The following HHIPL1 variants were observed in gnomAD, a reference collection of about 807,000 sequenced individuals.
HHIPL1 encodes the protein HHIP-like protein 1.
In HHIPL1, 43 loss-of-function variants were observed where a neutral mutation model predicts 61.8. The ratio of observed to expected loss-of-function variants is 0.70; its 90% CI spans 0.55 to 0.90. The LOEUF (loss-of-function observed/expected upper bound fraction) is 0.90, where lower values mean the gene tolerates loss of function less well. HHIPL1 is among the 40% of genes least tolerant of loss of function. HHIPL1 has a pLI of 0.00. For missense variants in HHIPL1, 1,056 were observed against 1,157.7 expected (o/e 0.91, Z 1.28); for synonymous variants, 482 against 515.8 (o/e 0.93, Z 0.89).
At chr14:99,634,419 C>T in the HHIPL1 span, among the ~76,000 whole-genome samples, 1 of 152,160 alleles carries the variant, frequency 6.6e-6, no homozygotes, top group African/African-American at 2.4e-5. Flanking sequence ...AAGTCTTACT[C>T]GAGCAAATAA....
chr14:99,651,937 G>A (rs1025102659), intron 1 of HHIPL1, among the ~76,000 whole-genome samples: 9 of 152,158 alleles, frequency 5.9e-5, no homozygotes, highest in African/African-American at 2.2e-4. Flanking sequence ...GAGGGTGGGT[G>A]ACAGTGCCTC....
intron 8 of HHIPL1, among the ~76,000 whole-genome samples, chr14:99,673,718 G>A (rs2140096366): frequency 2.7e-5 from 1 of 36,468 alleles, no homozygotes; most frequent in Non-Finnish European, 5.8e-5. Flanking sequence ...ACCTGGAGGG[G>A]TTGCACTGAG....
At chr14:99,611,757 A>G in the HHIPL1 span, among the ~76,000 whole-genome samples, 1 of 148,608 alleles carries the variant, frequency 6.7e-6, no homozygotes, top group African/African-American at 2.5e-5. Flanking sequence ...TTTTTTTCCT[A>G]TAAGCAATGC....
At chr14:99,615,461 TAG>T in the HHIPL1 span, among the ~76,000 whole-genome samples, 1 of 152,054 alleles carries the variant, frequency 6.6e-6, no homozygotes. Context: ...AGAGGGTTAC[TAG>T]AGCCCGGGAG....
At chr14:99,631,048 T>TTTTCTCTCTTTC in the HHIPL1 span, among the ~76,000 whole-genome samples, 1 of 120,430 alleles carries the variant, frequency 8.3e-6, no homozygotes. Flanking sequence ...AGTGGCTCCA[T>TTTTCTCTCTTTC]TTTCTTTCTT....
the HHIPL1 span, among the ~76,000 whole-genome samples, chr14:99,632,062 AGCATCTG>A: frequency 6.6e-6 from 1 of 152,214 alleles, no homozygotes. Context: ...CAACACCACT[AGCATCTG>A]GCCCATCTAC....
At chr14:99,610,714 T>C in the HHIPL1 span, among the ~76,000 whole-genome samples, 1 of 152,044 alleles carries the variant, frequency 6.6e-6, no homozygotes, top group East Asian at 1.9e-4. Flanking sequence ...TGAGCAGAGA[T>C]CATGCCACTG....
chr14:99,661,761 A>G (rs1308507276), intron 5 of HHIPL1, among the ~76,000 whole-genome samples: 1 of 152,206 alleles, frequency 6.6e-6, no homozygotes, highest in Non-Finnish European at 1.5e-5. Context: ...TACGGTGCCC[A>G]GCCTGGTGTT....
chr14:99,619,332 G>T, the HHIPL1 span, among the ~76,000 whole-genome samples: 1 of 151,584 alleles, frequency 6.6e-6, no homozygotes, highest in Non-Finnish European at 1.5e-5. Context: ...TGTGGTGGCG[G>T]GCACCTGTAA....
At chr14:99,636,041 C>A in the HHIPL1 span, among the ~76,000 whole-genome samples, 10 of 152,112 alleles carry the variant, frequency 6.6e-5, no homozygotes, top group East Asian at 1.7e-3. Flanking sequence ...AGAGTCTCTG[C>A]CTCTGGAGCC....
At chr14:99,651,110 G>A (rs571393557) in intron 1 of HHIPL1, among the ~76,000 whole-genome samples, 3 of 152,124 alleles carry the variant, frequency 2.0e-5, no homozygotes, top group Admixed American at 1.3e-4. Flanking sequence ...TTAGCTAGGC[G>A]TGGTGGCTCT....
At chr14:99,644,310 C>T (rs2055792240), upstream of HHIPL1, among the ~76,000 whole-genome samples, 1 of 152,146 alleles carries the variant, frequency 6.6e-6, no homozygotes, top group Admixed American at 6.6e-5. Flanking sequence ...GAAGCAAACG[C>T]TGAGGTCCAC....
At chr14:99,640,916 T>C (rs1445912511), upstream of HHIPL1, among the ~76,000 whole-genome samples, 4 of 134,294 alleles carry the variant, frequency 3.0e-5, no homozygotes, top group Admixed American at 1.6e-4. Context: ...AGATAGAGTA[T>C]CTCTCTCTCG....
At chr14:99,624,220 G>T in the HHIPL1 span, among the ~76,000 whole-genome samples, 1 of 152,168 alleles carries the variant, frequency 6.6e-6, no homozygotes, top group Admixed American at 6.5e-5. Context: ...CTCTTCCCTG[G>T]CTGTGGCTCC....
the HHIPL1 span, among the ~76,000 whole-genome samples, chr14:99,618,728 G>A: frequency 1.6e-4 from 24 of 152,236 alleles, no homozygotes; most frequent in Admixed American, 1.5e-3. Context: ...TCTCCATGGG[G>A]CCCCTCCCAA....
chr14:99,650,240 C>CA (rs1416460400), intron 1 of HHIPL1, among the ~76,000 whole-genome samples: 1 of 152,206 alleles, frequency 6.6e-6, no homozygotes, highest in East Asian at 1.9e-4. Context: ...AATCCTCCCC[C>CA]AAACGTCCCA....
At chr14:99,620,005 C>T in the HHIPL1 span, among the ~76,000 whole-genome samples, 1 of 152,318 alleles carries the variant, frequency 6.6e-6, no homozygotes, top group Admixed American at 6.5e-5. Flanking sequence ...GGAGGGGCAG[C>T]CAGCAATCCC....
At chr14:99,657,910 CACACACAT>C (rs1210140203) in intron 3 of HHIPL1, among the ~76,000 whole-genome samples, 18 of 151,774 alleles carry the variant, frequency 1.2e-4, no homozygotes, top group African/African-American at 3.6e-4. Flanking sequence ...TCCACATGTA[CACACACAT>C]ACACACATAC....
rs745629640 is a variant in HHIPL1 at position 99,678,813 on chromosome 14, A to G, written c.*3187A>G. On this transcript the variant is annotated 3_prime_UTR_variant, in exon 9 of 9. Transcript: ENST00000330710. ...CAGTTACATAGAATAGGGCTTGACAAAGAGTTATTAGCATAAAGCAAGGAG... is the reference window on the plus strand; with the variant it reads ...CAGTTACATAGAATAGGGCTTGACAGAGAGTTATTAGCATAAAGCAAGGAG... 6.6e-6 allele frequency: 1 copy of G among 152,266 alleles called. No individual in the cohort carries two copies. Among genetic ancestry groups the G allele is most frequent in the Non-Finnish European group, 1.5e-5 (1 of 68,052 alleles). The allele number at this position is 152,266 out of a possible 1,614,324, so 9.4% of individuals were successfully genotyped here.
Sources: allele counts gnomAD v4.1 joint callset (sites outside exome capture counted in the v4.1 genomes callset), GRCh38; gene constraint gnomAD v4.1.1; transcripts MANE v1.5; gene names NCBI Gene and HGNC (gene_info 2026-07-23, HGNC 2026-07-21).